Variants in RBFOX2 observed in about 807,000 individuals in gnomAD.
The protein encoded by RBFOX2 is RNA binding protein fox-1 homolog 2.
Under a neutral mutation model 49.1 loss-of-function variants are expected in RBFOX2, and 10 were observed. The ratio of observed to expected loss-of-function variants is 0.20; its 90% CI spans 0.13 to 0.35. The LOEUF (loss-of-function observed/expected upper bound fraction) is 0.35, where lower values mean the gene tolerates loss of function less well. RBFOX2 is among the 10% of genes least tolerant of loss of function. RBFOX2 has a pLI of 1.00. For missense variants in RBFOX2, 323 were observed against 486.9 expected, an observed-to-expected ratio of 0.66 and a Z score of 3.17; for synonymous variants, 183 against 187.4, an observed-to-expected ratio of 0.98 and a Z score of 0.19.
chr22:36,009,182 GC>G (rs1317764314), intron 1 of RBFOX2, among the ~76,000 whole-genome samples: 1 of 152,138 alleles, frequency 6.6e-6, no homozygotes, highest in African/African-American at 2.4e-5. Flanking sequence ...ATGGTCTCTG[GC>G]GCCCGTGCTT....
At chr22:35,944,221 A>T (rs1219854522) in intron 1 of RBFOX2, among the ~76,000 whole-genome samples, 1 of 152,238 alleles carries the variant, frequency 6.6e-6, no homozygotes, top group Non-Finnish European at 1.5e-5. Context: ...ACTTCAGAAG[A>T]TCTTTTTAAA....
In RBFOX2 at chr22:35,960,961, T is replaced by TA. The variant is rs370831996; in HGVS notation, c.42+601dup. Among the ~76,000 whole-genome samples, 357 of 145,362 alleles carry TA rather than the reference T, an allele frequency of 2.5e-3. 2 individuals carry two copies. Among genetic ancestry groups the TA allele is most frequent in the East Asian group, 0.013 (66 of 5,056 alleles). On this transcript the variant is annotated intron_variant, in intron 1 of 5. Coordinates refer to the RBFOX2 transcript ENST00000408983. The stretch of plus-strand genomic sequence containing the variant: ...ATGCACAGGTTCTGTTATATTTGTT[T>TA]AAAAAAAAAAAGCAGCCTCTTAGTC...
At position 35,976,679 on chromosome 22, in the gene RBFOX2, C is replaced by T. The variant is rs181525120; in HGVS notation, c.187-37782G>A. 9.2e-5 allele frequency among the ~76,000 whole-genome samples: 14 copies of T among 152,126 alleles called. No individual in the cohort carries two copies. The East Asian group carries it at 2.7e-3, about 29-fold the overall frequency. ...TGAACTCAGTAAGAAAACGAACCAC[C>T]CGGCCAGGAACAGTGGCTCACATCT... On this transcript the variant is annotated intron_variant, in intron 1 of 13. Transcript: ENST00000438146.
intron 1 of RBFOX2, among the ~76,000 whole-genome samples, chr22:35,930,362 T>A (rs1033022512): frequency 6.6e-6 from 1 of 152,094 alleles, no homozygotes; most frequent in Non-Finnish European, 1.5e-5. Flanking sequence ...ATATTTATAT[T>A]TATTTTCTCT....
chr22:35,900,162 G>A (rs2048390894), intron 1 of RBFOX2, among the ~76,000 whole-genome samples: 1 of 152,156 alleles, frequency 6.6e-6, no homozygotes, highest in African/African-American at 2.4e-5. Flanking sequence ...GGCCCAGGTT[G>A]GAGTGCAGTG....
chr22:35,916,175 G>C (rs2050381236), intron 1 of RBFOX2, among the ~76,000 whole-genome samples: 1 of 152,172 alleles, frequency 6.6e-6, no homozygotes, highest in Admixed American at 6.5e-5. Context: ...TTAAATGCCT[G>C]TTCTACCACT....
intron 1 of RBFOX2, among the ~76,000 whole-genome samples, chr22:35,853,734 G>A (rs572869793): frequency 5.3e-4 from 80 of 151,366 alleles, no homozygotes; most frequent in Middle Eastern, 3.4e-3. Context: ...GTACCTCCAG[G>A]CGGTGGAATG....
chr22:35,893,474 A>G (rs958549114), intron 1 of RBFOX2, among the ~76,000 whole-genome samples: 1 of 152,208 alleles, frequency 6.6e-6, no homozygotes, highest in Non-Finnish European at 1.5e-5. Context: ...AAACAAATCA[A>G]AAGACAGAAC....
intron 1 of RBFOX2, among the ~76,000 whole-genome samples, chr22:35,851,085 C>T (rs1483293632): frequency 6.6e-6 from 1 of 152,154 alleles, no homozygotes; most frequent in African/African-American, 2.4e-5. Context: ...CCATGCCCCG[C>T]CCCCATCAGT....
intron 2 of RBFOX2, among the ~76,000 whole-genome samples, chr22:35,800,738 T>C (rs1467386646): frequency 3.9e-5 from 6 of 152,174 alleles, no homozygotes; most frequent in South Asian, 2.1e-4. Flanking sequence ...CTGAGTTCTA[T>C]TAAGTGTCAG....
chr22:35,907,520 T>A (rs986044917), intron 1 of RBFOX2, among the ~76,000 whole-genome samples: 3 of 152,344 alleles, frequency 2.0e-5, no homozygotes, highest in Middle Eastern at 6.8e-3. Context: ...AGACTTCTTT[T>A]TCATGAAAGA....
chr22:35,903,329 C>T (rs2048788549), intron 1 of RBFOX2, among the ~76,000 whole-genome samples: 1 of 152,184 alleles, frequency 6.6e-6, no homozygotes, highest in Admixed American at 6.5e-5. Flanking sequence ...ACATTCTCTT[C>T]TTCTGGCTTC....
chr22:35,765,506 A>C (rs912949362), intron 5 of RBFOX2, 23 bp from the exon 7 acceptor site: 1 of 1,475,630 alleles, frequency 6.8e-7, no homozygotes, highest in Non-Finnish European at 9.4e-7. Flanking sequence ...AGGAGAAAAA[A>C]GGGCAGGGAA....
At chr22:35,841,002 G>A (rs1958670559), upstream of RBFOX2, among the ~76,000 whole-genome samples, 1 of 152,136 alleles carries the variant, frequency 6.6e-6, no homozygotes, top group Non-Finnish European at 1.5e-5. Context: ...CCTAGTGAGA[G>A]CAAAGGACTA....
chr22:35,886,914 T>C (rs1172239545), intron 1 of RBFOX2, among the ~76,000 whole-genome samples: 11 of 152,220 alleles, frequency 7.2e-5, no homozygotes, highest in Admixed American at 7.2e-4. Flanking sequence ...ATTTTTGTCG[T>C]TGTTGGGAAA....
chr22:35,899,022 G>A (rs2048215737), intron 1 of RBFOX2, among the ~76,000 whole-genome samples: 1 of 151,970 alleles, frequency 6.6e-6, no homozygotes, highest in Middle Eastern at 3.2e-3. Context: ...GGAGGCTGAG[G>A]CAGGAGAATT....
At chr22:35,961,739 T>C, upstream of RBFOX2, 6 of 1,249,072 alleles carry the variant, frequency 4.8e-6, no homozygotes, top group Non-Finnish European at 6.3e-6. Flanking sequence ...AGGTTTTCCG[T>C]TCTCCCCACA....
intron 9 of RBFOX2, among the ~76,000 whole-genome samples, chr22:35,751,471 A>G (rs888827459): frequency 6.6e-6 from 1 of 152,194 alleles, no homozygotes; most frequent in Non-Finnish European, 1.5e-5. Flanking sequence ...ACAGCAGAGC[A>G]GAGATCTATT....
intron 1 of RBFOX2, among the ~76,000 whole-genome samples, chr22:35,902,475 C>T (rs1283511283): frequency 2.0e-5 from 3 of 152,088 alleles, no homozygotes; most frequent in Non-Finnish European, 2.9e-5. Flanking sequence ...ACTGACTTCA[C>T]TATATATTCA....
Sources: allele counts gnomAD v4.1 joint callset (sites outside exome capture counted in the v4.1 genomes callset), GRCh38; gene constraint gnomAD v4.1.1; transcripts MANE v1.5; gene names NCBI Gene and HGNC (gene_info 2026-07-23, HGNC 2026-07-21).